Variants in SEMA6D observed in about 807,000 individuals in gnomAD.
The protein encoded by SEMA6D is semaphorin 6D, also known as semaphorin-6D.
SEMA6D carries 35 observed loss-of-function variants against 106.6 expected under a neutral mutation model. That is an observed-to-expected ratio of 0.33 (90% confidence interval 0.25 to 0.44). The LOEUF (loss-of-function observed/expected upper bound fraction) is 0.44, where lower values mean the gene tolerates loss of function less well. Ranked by LOEUF, SEMA6D falls within the 20% of genes least tolerant of loss-of-function variation. SEMA6D has a pLI of 1.00. For missense variants in SEMA6D, 1,185 were observed against 1,345.9 expected (o/e 0.88, Z 1.87); for synonymous variants, 499 against 487.7 (o/e 1.02, Z -0.31).
At chr15:47,617,446 A>G (rs1030341878) in intron 4 of SEMA6D, among the ~76,000 whole-genome samples, 3 of 152,166 alleles carry the variant, frequency 2.0e-5, no homozygotes, top group African/African-American at 4.8e-5. Context: ...AACTTCTACT[A>G]TTTTTAAAAG....
At chr15:47,371,755 C>T (rs1015636661) in intron 1 of SEMA6D, among the ~76,000 whole-genome samples, 6 of 152,094 alleles carry the variant, frequency 3.9e-5, no homozygotes, top group Non-Finnish European at 7.4e-5. Context: ...TGCTTTAGGT[C>T]ACTTTTTCTG....
At chr15:47,266,534 C>A (rs2034326142) in intron 1 of SEMA6D, among the ~76,000 whole-genome samples, 1 of 152,052 alleles carries the variant, frequency 6.6e-6, no homozygotes, top group Admixed American at 6.6e-5. Context: ...GCCTTATAAG[C>A]CGTAATGAGG....
intron 3 of SEMA6D, among the ~76,000 whole-genome samples, chr15:47,503,280 G>A (rs891963094): frequency 1.3e-5 from 2 of 152,130 alleles, no homozygotes; most frequent in African/African-American, 4.8e-5. Context: ...ATACACCTGA[G>A]TCACCATTCA....
chr15:47,257,567 T>G (rs1217602619), intron 1 of SEMA6D, among the ~76,000 whole-genome samples: 1 of 152,204 alleles, frequency 6.6e-6, no homozygotes, highest in Non-Finnish European at 1.5e-5. Context: ...TAGAAGTGTG[T>G]TGTTTAGAGG....
chr15:47,687,065 CCA>C (rs2078485343), intron 4 of SEMA6D, among the ~76,000 whole-genome samples: 1 of 73,566 alleles, frequency 1.4e-5, no homozygotes. Context: ...GACCCTGTAT[CCA>C]AAAAAAAAAA....
intron 1 of SEMA6D, among the ~76,000 whole-genome samples, chr15:47,262,909 C>T (rs1169452442): frequency 6.6e-5 from 10 of 152,040 alleles, no homozygotes; most frequent in Non-Finnish European, 7.4e-5. Context: ...CTACAACTAT[C>T]TGATCTTTGA....
At chr15:47,609,143 A>C (rs1400984429) in intron 4 of SEMA6D, among the ~76,000 whole-genome samples, 2 of 152,224 alleles carry the variant, frequency 1.3e-5, no homozygotes, top group South Asian at 2.1e-4. Flanking sequence ...GTTGTGCCAT[A>C]ACACGGATTG....
chr15:47,186,685 A>G (rs1020961791), intron 1 of SEMA6D, among the ~76,000 whole-genome samples: 8 of 152,218 alleles, frequency 5.3e-5, no homozygotes, highest in African/African-American at 1.4e-4. Context: ...CACATGAACA[A>G]TGAATCAACC....
chr15:47,747,074 C>T (rs1210476335), intron 1 of SEMA6D, among the ~76,000 whole-genome samples: 5 of 150,986 alleles, frequency 3.3e-5, no homozygotes, highest in African/African-American at 1.2e-4. Flanking sequence ...TCTTAAGAGG[C>T]TGATATATTT....
intron 1 of SEMA6D, among the ~76,000 whole-genome samples, chr15:47,319,133 C>T (rs1196535034): frequency 6.6e-6 from 1 of 152,122 alleles, no homozygotes; most frequent in Non-Finnish European, 1.5e-5. Context: ...TACTAGTAAG[C>T]CCCTAGAAGG....
intron 1 of SEMA6D, among the ~76,000 whole-genome samples, chr15:47,227,882 C>CTTATATATTTTATATATATAAGAATCTT: frequency 1.0e-5 from 1 of 100,172 alleles, no homozygotes; most frequent in South Asian, 2.9e-4. Flanking sequence ...ATATAAGAAT[C>CTTATATATTTTATATATATAAGAATCTT]ATATATATTT....
intron 2 of SEMA6D, among the ~76,000 whole-genome samples, chr15:47,457,786 A>T (rs2042388565): frequency 6.6e-6 from 1 of 151,918 alleles, no homozygotes; most frequent in Non-Finnish European, 1.5e-5. Context: ...AGACCCAAAG[A>T]TCCAAGAAAC....
chr15:47,261,823 A>G (rs1378116979), intron 1 of SEMA6D, among the ~76,000 whole-genome samples: 1 of 152,118 alleles, frequency 6.6e-6, no homozygotes, highest in Non-Finnish European at 1.5e-5. Flanking sequence ...TTTGAGGTTA[A>G]TTCATGTTGT....
intron 3 of SEMA6D, among the ~76,000 whole-genome samples, chr15:47,528,213 A>G (rs1330550486): frequency 1.3e-5 from 2 of 152,238 alleles, no homozygotes; most frequent in East Asian, 3.8e-4. Flanking sequence ...TATTCACCAT[A>G]TCAGTGTTCA....
chr15:47,296,608 T>A (rs974293232), intron 1 of SEMA6D, among the ~76,000 whole-genome samples: 1 of 152,196 alleles, frequency 6.6e-6, no homozygotes, highest in Non-Finnish European at 1.5e-5. Flanking sequence ...AACATAAAAG[T>A]GAAGAACCAG....
At chr15:47,510,958 C>A (rs1220289331) in intron 3 of SEMA6D, among the ~76,000 whole-genome samples, 1 of 152,130 alleles carries the variant, frequency 6.6e-6, no homozygotes, top group Non-Finnish European at 1.5e-5. Flanking sequence ...TAATACCTTG[C>A]TAGAATTAAC....
chr15:47,243,588 G>T (rs536696358), intron 1 of SEMA6D, among the ~76,000 whole-genome samples: 1 of 152,156 alleles, frequency 6.6e-6, no homozygotes, highest in Admixed American at 6.6e-5. Context: ...TAATAATTAG[G>T]ATTTAAGACA....
chr15:47,373,489 T>C (rs936331820), intron 1 of SEMA6D, among the ~76,000 whole-genome samples: 2 of 152,154 alleles, frequency 1.3e-5, no homozygotes, highest in African/African-American at 4.8e-5. Context: ...CCAATGTCAT[T>C]GGATGCTGGA....
At chr15:47,268,329 T>C (rs2034414084) in intron 1 of SEMA6D, among the ~76,000 whole-genome samples, 2 of 152,134 alleles carry the variant, frequency 1.3e-5, no homozygotes, top group South Asian at 4.1e-4. Context: ...ATCACTTCTT[T>C]TTGTCCTTTT....
Sources: gnomAD v4.1 joint callset for allele counts (sites outside exome capture counted in the v4.1 genomes callset) on GRCh38, gnomAD v4.1.1 for gene constraint, MANE v1.5 for transcripts, NCBI Gene and HGNC (gene_info 2026-07-23, HGNC 2026-07-21) for gene names.